IMMP2L: variants seen among roughly 807,000 people sequenced by gnomAD.
IMMP2L encodes mitochondrial inner membrane protease subunit 2.
A neutral mutation model predicts 19.3 loss-of-function variants in IMMP2L; 18 were observed. That is an observed-to-expected ratio of 0.93 (90% CI 0.64 to 1.38). The LOEUF (loss-of-function observed/expected upper bound fraction) is 1.38. Among genes scored for constraint, IMMP2L ranks in the 40% most tolerant of loss-of-function variants. IMMP2L has a pLI of 0.00. For synonymous variants in IMMP2L, 76 were observed against 73.0 expected, an observed-to-expected ratio of 1.04 and a Z score of -0.21; for missense variants, 233 against 218.2, an observed-to-expected ratio of 1.07 and a Z score of -0.43.
chr7:110,696,615 C>G (rs1468865059), intron 5 of IMMP2L, among the ~76,000 whole-genome samples: 1 of 151,602 alleles, frequency 6.6e-6, no homozygotes, highest in Non-Finnish European at 1.5e-5. Flanking sequence ...TTAGTAGAGA[C>G]GGGTTTCACC....
chr7:111,263,515 A>G (rs903559271), intron 3 of IMMP2L, among the ~76,000 whole-genome samples: 7 of 152,240 alleles, frequency 4.6e-5, no homozygotes, highest in Admixed American at 1.3e-4. Context: ...TGGGTTTCAA[A>G]TCTAAGTAAA....
chr7:110,997,868 T>C (rs945281955), intron 3 of IMMP2L, among the ~76,000 whole-genome samples: 1 of 152,118 alleles, frequency 6.6e-6, no homozygotes, highest in Non-Finnish European at 1.5e-5. Context: ...ATAAAAAATA[T>C]ATACATGTGG....
At chr7:111,291,688 A>G (rs1821122592) in intron 3 of IMMP2L, among the ~76,000 whole-genome samples, 1 of 152,154 alleles carries the variant, frequency 6.6e-6, no homozygotes. Context: ...TCTGATGCAA[A>G]ATGGTGACTA....
intron 3 of IMMP2L, among the ~76,000 whole-genome samples, chr7:111,105,149 TA>T (rs1798404218): frequency 6.6e-6 from 1 of 151,810 alleles, no homozygotes. Flanking sequence ...TGTTTTCAAA[TA>T]AAATAACCAC....
intron 3 of IMMP2L, among the ~76,000 whole-genome samples, chr7:111,395,720 T>A (rs1832800094): frequency 6.6e-6 from 1 of 152,218 alleles, no homozygotes; most frequent in South Asian, 2.1e-4. Context: ...ATAGTAATAT[T>A]ATTCTGCCAC....
intron 3 of IMMP2L, among the ~76,000 whole-genome samples, chr7:111,188,493 C>T (rs1480447085): frequency 6.6e-6 from 1 of 152,068 alleles, no homozygotes; most frequent in African/African-American, 2.4e-5. Flanking sequence ...AGGGCTCCAT[C>T]CTTGTGACCT....
chr7:111,076,177 T>A (rs544201986), intron 3 of IMMP2L, among the ~76,000 whole-genome samples: 2 of 152,150 alleles, frequency 1.3e-5, no homozygotes, highest in Non-Finnish European at 2.9e-5. Context: ...CTACTCAAAG[T>A]GTGATCTGTG....
chr7:110,712,156 C>A (rs952069761), intron 5 of IMMP2L, among the ~76,000 whole-genome samples: 7 of 132,050 alleles, frequency 5.3e-5, no homozygotes, highest in Non-Finnish European at 1.2e-4. Flanking sequence ...TACTTTTGGT[C>A]TTTGATGATG....
intron 3 of IMMP2L, among the ~76,000 whole-genome samples, chr7:111,324,611 T>C (rs116249574): frequency 0.023 from 3,472 of 151,926 alleles, 136 homozygotes; most frequent in African/African-American, 0.079. Flanking sequence ...AAAAATTCAT[T>C]CAAAATCATG....
chr7:111,017,800 C>T (rs1033970559), intron 3 of IMMP2L, among the ~76,000 whole-genome samples: 5 of 152,182 alleles, frequency 3.3e-5, no homozygotes, highest in South Asian at 2.1e-4. Flanking sequence ...GGCAGATGAC[C>T]GTGGTAGGAG....
At chr7:111,170,984 T>C (rs1806375514) in intron 3 of IMMP2L, among the ~76,000 whole-genome samples, 1 of 151,846 alleles carries the variant, frequency 6.6e-6, no homozygotes, top group South Asian at 2.1e-4. Flanking sequence ...TTGTGTCTTA[T>C]AATCAGGTTA....
intron 4 of IMMP2L, among the ~76,000 whole-genome samples, chr7:110,936,799 C>G (rs1232161483): frequency 6.6e-6 from 1 of 152,114 alleles, no homozygotes; most frequent in Non-Finnish European, 1.5e-5. Context: ...GGAACCAACC[C>G]AAATTCCTAT....
chr7:110,992,269 A>T (rs1367704365), intron 3 of IMMP2L, among the ~76,000 whole-genome samples: 1 of 152,080 alleles, frequency 6.6e-6, no homozygotes, highest in East Asian at 1.9e-4. Context: ...GATTTTGGCA[A>T]CATGCTTACT....
chr7:110,816,998 G>A (rs1199385479), intron 5 of IMMP2L, among the ~76,000 whole-genome samples: 1 of 151,956 alleles, frequency 6.6e-6, no homozygotes, highest in Non-Finnish European at 1.5e-5. Flanking sequence ...TGTGACTTTG[G>A]TCCTGTCATT....
intron 4 of IMMP2L, among the ~76,000 whole-genome samples, chr7:110,952,760 A>G (rs1269195974): frequency 6.6e-6 from 1 of 152,106 alleles, no homozygotes; most frequent in East Asian, 1.9e-4. Flanking sequence ...TAGGTACCTC[A>G]GTTATTTTAG....
intron 3 of IMMP2L, among the ~76,000 whole-genome samples, chr7:111,476,112 G>A (rs1226091227): frequency 6.6e-6 from 1 of 152,060 alleles, no homozygotes; most frequent in Non-Finnish European, 1.5e-5. Context: ...CAACTAGTCT[G>A]TACCTCTTAT....
chr7:111,239,359 C>T (rs1260008752), intron 3 of IMMP2L, among the ~76,000 whole-genome samples: 2 of 151,866 alleles, frequency 1.3e-5, no homozygotes, highest in Admixed American at 6.6e-5. Flanking sequence ...TCTATTCAAA[C>T]GAATTAACAA....
intron 4 of IMMP2L, among the ~76,000 whole-genome samples, chr7:110,889,364 G>A (rs1047531463): frequency 6.6e-6 from 1 of 152,142 alleles, no homozygotes; most frequent in Non-Finnish European, 1.5e-5. Flanking sequence ...GTTCCCTCTG[G>A]GGGTGATGGG....
chr7:111,007,053 T>A (rs533986847), intron 3 of IMMP2L, among the ~76,000 whole-genome samples: 1 of 152,192 alleles, frequency 6.6e-6, no homozygotes, highest in African/African-American at 2.4e-5. Context: ...GACTGAGTAA[T>A]TTATCAAGGA....
Sources: allele counts gnomAD v4.1 joint callset (sites outside exome capture counted in the v4.1 genomes callset), GRCh38; gene constraint gnomAD v4.1.1; transcripts MANE v1.5; gene names NCBI Gene and HGNC (gene_info 2026-07-23, HGNC 2026-07-21).